The following ETS1 variants were observed in gnomAD, a reference collection of about 807,000 sequenced individuals.
The protein encoded by ETS1 is ETS proto-oncogene 1, transcription factor, also known as protein C-ets-1.
ETS1 carries 15 observed loss-of-function variants against 58.6 expected under a neutral mutation model. The ratio of observed to expected loss-of-function variants is 0.26; its 90% confidence interval spans 0.17 to 0.39. The LOEUF (loss-of-function observed/expected upper bound fraction) is 0.39. Ranked by LOEUF, ETS1 falls within the 10% of genes least tolerant of loss-of-function variation. ETS1 has a pLI of 1.00. For missense variants in ETS1, 417 were observed against 610.5 expected, an observed-to-expected ratio of 0.68 and a Z score of 3.34; for synonymous variants, 214 against 218.2, an observed-to-expected ratio of 0.98 and a Z score of 0.17.
chr11:128,572,765 A>C (rs1453632073), intron 2 of ETS1, among the ~76,000 whole-genome samples: 2 of 152,246 alleles, frequency 1.3e-5, no homozygotes, highest in African/African-American at 4.8e-5. Context: ...TCATCAAATG[A>C]ACTGGGCAGT....
chr11:128,542,403 A>G (rs1864070221), intron 3 of ETS1, among the ~76,000 whole-genome samples: 1 of 152,140 alleles, frequency 6.6e-6, no homozygotes, highest in Non-Finnish European at 1.5e-5. Context: ...GAGAGACTTT[A>G]GAAGATTATT....
At chr11:128,509,377 C>T (rs1279019237) in intron 3 of ETS1, among the ~76,000 whole-genome samples, 1 of 152,118 alleles carries the variant, frequency 6.6e-6, no homozygotes, top group Non-Finnish European at 1.5e-5. Flanking sequence ...CTGAACATCC[C>T]CTCCCTGGAG....
intron 3 of ETS1, among the ~76,000 whole-genome samples, chr11:128,539,101 A>G (rs184912730): frequency 1.3e-5 from 2 of 152,368 alleles, no homozygotes; most frequent in Admixed American, 6.5e-5. Flanking sequence ...AGCTCATATA[A>G]GAAAAAACAG....
Position 128,461,559 on chromosome 11 carries a change from A to T in ETS1, c.*802T>A, listed in dbSNP as rs1408615022. The stretch of plus-strand genomic sequence containing the variant: ...CACACACATAATTCCCCTGTACCCA[A>T]ATCAGCATTAATTGTCCTTCTTATA... On this transcript the variant is annotated 3_prime_UTR_variant, in exon 10 of 10. Transcript: ENST00000392668. 1 of 152,694 alleles carries T rather than the reference A, an allele frequency of 6.5e-6. No homozygotes were observed. Among genetic ancestry groups the T allele is most frequent in the East Asian group, 1.9e-4 (1 of 5,332 alleles). The allele number at this position is 152,694 out of a possible 1,614,324, so 9.5% of individuals were successfully genotyped here. A position where few individuals can be genotyped will look rare whatever the true frequency, so the allele number is the denominator to read the frequency against.
chr11:128,522,245 C>T, intron 3 of ETS1: 1 of 1,193,150 alleles, frequency 8.4e-7, no homozygotes. Context: ...CGCGCCCGCT[C>T]CTCCTGCCCG....
At chr11:128,521,840 G>A (rs997084031) in intron 3 of ETS1, 1 of 1,217,508 alleles carries the variant, frequency 8.2e-7, no homozygotes, top group Admixed American at 2.2e-5. Context: ...AACGGCGAAA[G>A]GGGGAAGAAG....
At chr11:128,468,422 A>C (rs2135417886) in intron 8 of ETS1, among the ~76,000 whole-genome samples, 1 of 152,312 alleles carries the variant, frequency 6.6e-6, no homozygotes, top group Non-Finnish European at 1.5e-5. Context: ...TCTTGATGGA[A>C]ATCCCTTCCA....
intron 3 of ETS1, among the ~76,000 whole-genome samples, chr11:128,540,990 G>A (rs538169456): frequency 6.6e-6 from 1 of 152,230 alleles, no homozygotes; most frequent in South Asian, 2.1e-4. Flanking sequence ...TTTCCAAATC[G>A]AGCTCTGTCC....
intron 3 of ETS1, among the ~76,000 whole-genome samples, chr11:128,537,455 C>A (rs1285508797): frequency 2.0e-5 from 3 of 152,064 alleles, no homozygotes; most frequent in Admixed American, 6.6e-5. Context: ...GATGTATCTG[C>A]CTGAGTTCAA....
chr11:128,464,959 G>A lies in ETS1; in HGVS notation c.1124-1332C>T, dbSNP rs1861995865. Among the ~76,000 whole-genome samples, 1 of 152,148 alleles carries A rather than the reference G, an allele frequency of 6.6e-6. No individual in the cohort carries two copies. On this transcript the variant is annotated intron_variant, in intron 8 of 9. Transcript: ENST00000392668. The surrounding 1 kb of genome is among the most constrained non-coding windows in gnomAD (Gnocchi z 4.1). ...CTTCCTTTCTAATGGTGCAGAAAAAGTGCTCAGCAAAGTACTGTGACTTTG... is the reference window on the plus strand; with the variant it reads ...CTTCCTTTCTAATGGTGCAGAAAAAATGCTCAGCAAAGTACTGTGACTTTG...
chr11:128,568,558 T>TCCACCTCCCCACTGTGACA (rs1261931796), intron 2 of ETS1, among the ~76,000 whole-genome samples: 3 of 152,180 alleles, frequency 2.0e-5, no homozygotes, highest in Non-Finnish European at 4.4e-5. Flanking sequence ...GTGTTGCTTC[T>TCCACCTCCCCACTGTGACA]CCACCTCCCC....
At chr11:128,572,652 G>C (rs1864659968) in intron 2 of ETS1, among the ~76,000 whole-genome samples, 1 of 152,108 alleles carries the variant, frequency 6.6e-6, no homozygotes, top group South Asian at 2.1e-4. Context: ...CACTTTTAAA[G>C]TCTGTGATTA....
At chr11:128,473,378 C>G (rs981214235) in intron 8 of ETS1, among the ~76,000 whole-genome samples, 1 of 152,148 alleles carries the variant, frequency 6.6e-6, no homozygotes, top group African/African-American at 2.4e-5. Flanking sequence ...TCCTGTATAC[C>G]CAGCACTGCT....
At chr11:128,540,154 A>C (rs1308714300) in intron 3 of ETS1, among the ~76,000 whole-genome samples, 2 of 152,074 alleles carry the variant, frequency 1.3e-5, no homozygotes, top group South Asian at 2.1e-4. Flanking sequence ...TCTATTAAAA[A>C]CACAAAACAT....
At chr11:128,514,513 T>C (rs1863472942) in intron 3 of ETS1, among the ~76,000 whole-genome samples, 1 of 152,252 alleles carries the variant, frequency 6.6e-6, no homozygotes, top group South Asian at 2.1e-4. Flanking sequence ...TTACACCTCC[T>C]TCAAATGCTT....
intron 2 of ETS1, among the ~76,000 whole-genome samples, chr11:128,560,497 G>A (rs1479156015): frequency 2.0e-5 from 3 of 152,212 alleles, no homozygotes; most frequent in South Asian, 2.1e-4. Flanking sequence ...CAGGTTTTAA[G>A]AGGTCAAGTA....
intron 3 of ETS1, among the ~76,000 whole-genome samples, chr11:128,507,340 A>G (rs1304988067): frequency 6.6e-6 from 1 of 152,212 alleles, no homozygotes; most frequent in Admixed American, 6.5e-5. Context: ...GGAACACACC[A>G]GATGAGATTT....
chr11:128,540,486 A>T (rs574168091), intron 3 of ETS1, among the ~76,000 whole-genome samples: 2 of 149,760 alleles, frequency 1.3e-5, no homozygotes, highest in East Asian at 3.9e-4. Flanking sequence ...TAAACCGTTT[A>T]AAAAAAAAAG....
intron 3 of ETS1, among the ~76,000 whole-genome samples, chr11:128,523,729 G>A (rs1191707587): frequency 1.3e-5 from 2 of 152,204 alleles, no homozygotes; most frequent in African/African-American, 2.4e-5. Flanking sequence ...GTGACCAGAG[G>A]AAAATATTTG....
Sources: allele counts gnomAD v4.1 joint callset (sites outside exome capture counted in the v4.1 genomes callset), GRCh38; gene constraint gnomAD v4.1.1; non-coding constraint Gnocchi (gnomAD v3.1); transcripts MANE v1.5; gene names NCBI Gene and HGNC (gene_info 2026-07-23, HGNC 2026-07-21).